The following RNF169 variants were observed in gnomAD, a reference collection of about 807,000 sequenced individuals.
RNF169 encodes E3 ubiquitin-protein ligase RNF169.
In RNF169, 24 loss-of-function variants were observed where a neutral mutation model predicts 53.9. That is an observed-to-expected ratio of 0.45 (90% confidence interval 0.32 to 0.63). The LOEUF (loss-of-function observed/expected upper bound fraction) is 0.63. RNF169 is among the 20% of genes least tolerant of loss of function. The probability of loss-of-function intolerance (pLI) is 0.04; values close to 1 mark genes in which losing one functional copy is unlikely to be tolerated. For missense variants in RNF169, 883 were observed against 906.2 expected, an observed-to-expected ratio of 0.97 and a Z score of 0.33; for synonymous variants, 396 against 363.5, an observed-to-expected ratio of 1.09 and a Z score of -1.02.
At chr11:74,818,605 G>C (rs536218187) in intron 4 of RNF169, among the ~76,000 whole-genome samples, 1 of 152,086 alleles carries the variant, frequency 6.6e-6, no homozygotes, top group Non-Finnish European at 1.5e-5. Flanking sequence ...TGTTGCCCAG[G>C]CTGGTCTTGA....
In RNF169 at chr11:74,836,469, G is replaced by T; in HGVS notation, c.1866G>T (p.Arg622=). 1 of 1,614,200 alleles carries T rather than the reference G, an allele frequency of 6.2e-7. No individual in the cohort carries two copies. Among genetic ancestry groups the T allele is most frequent in the Non-Finnish European group, 8.5e-7 (1 of 1,180,028 alleles). The change falls in exon 6 of 6, where the codon CGG becomes CGT. Residue 622 remains arginine (R), a synonymous_variant. Transcript: ENST00000299563. ...CACTTCCTTCTTTGCGTCGAGGCCG[G>T]AAAAGACACTGCAAGACCAAGCACT... ...EEPLPSLRRG[R]KRHCKTKHLE...
chr11:74,823,935 C>A (rs1410614417), intron 4 of RNF169, among the ~76,000 whole-genome samples: 1 of 151,900 alleles, frequency 6.6e-6, no homozygotes, highest in Non-Finnish European at 1.5e-5. Flanking sequence ...AACAACAAAC[C>A]CAGGGGTGGG....
intron 3 of RNF169, among the ~76,000 whole-genome samples, chr11:74,811,048 T>A (rs1565182987): frequency 6.6e-6 from 1 of 152,138 alleles, no homozygotes; most frequent in Non-Finnish European, 1.5e-5. Flanking sequence ...TTCAGGCTTG[T>A]TAAAATTTCA....
At chr11:74,832,095 A>G (rs2036187747) in intron 4 of RNF169, 1 of 152,226 alleles carries the variant, frequency 6.6e-6, no homozygotes, top group Non-Finnish European at 1.5e-5. Flanking sequence ...GATCTCTTAC[A>G]GCACTTATGC....
intron 1 of RNF169, among the ~76,000 whole-genome samples, chr11:74,753,554 CAG>C (rs2034934657): frequency 5.3e-5 from 8 of 152,096 alleles, no homozygotes; most frequent in Non-Finnish European, 1.2e-4. Flanking sequence ...ATGGCAAAAA[CAG>C]CAATTACTTT....
chr11:74,779,354 C>A (rs564836632), intron 1 of RNF169, among the ~76,000 whole-genome samples: 1 of 152,120 alleles, frequency 6.6e-6, no homozygotes, highest in East Asian at 1.9e-4. Flanking sequence ...AATTATGGAA[C>A]CTAAGTGAGC....
chr11:74,840,265 AT>A lies in RNF169; in HGVS notation c.*3538del, dbSNP rs1347431798. On this transcript the variant is annotated 3_prime_UTR_variant, in exon 6 of 6. Transcript: ENST00000299563. ...AGGAGCTCAATGTCTAATGGAATGC[AT>A]TTGAATGTATGTGTGGCTGGAGAGT... 3 of 152,224 alleles carry A rather than the reference AT, an allele frequency of 2.0e-5. No homozygotes were observed. Among genetic ancestry groups the A allele is most frequent in the African/African-American group, 7.2e-5 (3 of 41,466 alleles). The allele number at this position is 152,224 out of a possible 1,614,324, so 9.4% of individuals were successfully genotyped here.
chr11:74,811,385 G>A (rs2135118916), intron 3 of RNF169, among the ~76,000 whole-genome samples: 1 of 152,212 alleles, frequency 6.6e-6, no homozygotes, highest in South Asian at 2.1e-4. Flanking sequence ...GGGACTACAG[G>A]CTTGTGCCAC....
chr11:74,765,048 C>G (rs1244976922), intron 1 of RNF169, among the ~76,000 whole-genome samples: 2 of 152,050 alleles, frequency 1.3e-5, no homozygotes, highest in African/African-American at 4.8e-5. Context: ...CCTGTCTCTA[C>G]TAAAAATCAA....
intron 4 of RNF169, chr11:74,831,842 C>A (rs2036183533): frequency 6.6e-6 from 1 of 152,036 alleles, no homozygotes; most frequent in South Asian, 2.1e-4. Context: ...AGAAATAAAC[C>A]CATACATCCA....
intron 4 of RNF169, among the ~76,000 whole-genome samples, chr11:74,824,627 A>C (rs1330736235): frequency 6.6e-6 from 1 of 152,254 alleles, no homozygotes. Flanking sequence ...ACTATACCAG[A>C]TATAATAATC....
At chr11:74,808,054 C>T (rs1033914948) in intron 2 of RNF169, 2 of 152,062 alleles carry the variant, frequency 1.3e-5, no homozygotes, top group African/African-American at 2.4e-5. Context: ...TTGTCAAAAA[C>T]TTTGAGAGCA....
intron 1 of RNF169, among the ~76,000 whole-genome samples, chr11:74,753,094 G>C (rs531768224): frequency 6.6e-6 from 1 of 152,064 alleles, no homozygotes; most frequent in Non-Finnish European, 1.5e-5. Context: ...TCCATCTCCC[G>C]AGTAGCTGGG....
chr11:74,824,176 T>G (rs2036059499), intron 4 of RNF169, among the ~76,000 whole-genome samples: 1 of 152,122 alleles, frequency 6.6e-6, no homozygotes, highest in Non-Finnish European at 1.5e-5. Flanking sequence ...AACAGTGTCC[T>G]AAGTAGACAG....
chr11:74,801,290 C>T (rs866893084), intron 2 of RNF169, among the ~76,000 whole-genome samples: 2 of 152,162 alleles, frequency 1.3e-5, no homozygotes, highest in South Asian at 2.1e-4. Flanking sequence ...ATGCTGTAAA[C>T]AGGAGCTAAG....
intron 1 of RNF169, among the ~76,000 whole-genome samples, chr11:74,784,008 T>C (rs2035453691): frequency 6.6e-6 from 1 of 152,240 alleles, no homozygotes; most frequent in South Asian, 2.1e-4. Flanking sequence ...ATCTTCATTT[T>C]TCTGGCCTTT....
chr11:74,813,751 C>T (rs1221362567), intron 3 of RNF169, among the ~76,000 whole-genome samples: 1 of 152,098 alleles, frequency 6.6e-6, no homozygotes, highest in Non-Finnish European at 1.5e-5. Context: ...GGTACAGTGG[C>T]GTGATCTCGG....
Position 74,838,597 on chromosome 11 carries a change from A to G in RNF169, c.*1867A>G, listed in dbSNP as rs374503160. On this transcript the variant is annotated 3_prime_UTR_variant, in exon 6 of 6. Coordinates refer to ENST00000299563, the MANE Select transcript of RNF169 (RefSeq NM_001098638.2). Reference sequence around the variant, plus strand: ...TTGGTGGGGAACATCACTCACCTGAATGTATGCATTCTGTGTTCTCTGTGT... The same window carrying G: ...TTGGTGGGGAACATCACTCACCTGAGTGTATGCATTCTGTGTTCTCTGTGT... The G allele has an allele frequency of 3.3e-5, 5 of 152,218 alleles. No homozygotes were observed. Among genetic ancestry groups the G allele is most frequent in the East Asian group, 3.8e-4 (2 of 5,202 alleles). 9.4% of individuals were successfully genotyped at this position (152,218 alleles called of 1,614,324 possible). A position where few individuals can be genotyped will look rare whatever the true frequency, so the allele number is the denominator to read the frequency against.
intron 1 of RNF169, among the ~76,000 whole-genome samples, chr11:74,781,577 TTAAGA>T (rs1468358568): frequency 1.3e-5 from 2 of 152,380 alleles, no homozygotes; most frequent in Non-Finnish European, 1.5e-5. Flanking sequence ...ATATATATCT[TTAAGA>T]TAAAGCATAG....
Sources: allele counts gnomAD v4.1 joint callset (sites outside exome capture counted in the v4.1 genomes callset), GRCh38; gene constraint gnomAD v4.1.1; transcripts MANE v1.5; gene names NCBI Gene and HGNC (gene_info 2026-07-23, HGNC 2026-07-21).